Variants in CCDC18 observed in about 807,000 individuals in gnomAD.
The protein encoded by CCDC18 is coiled-coil domain containing 18, also known as coiled-coil domain-containing protein 18.
Under a neutral mutation model 196.0 loss-of-function variants are expected in CCDC18, and 157 were observed. That is an observed-to-expected ratio of 0.80 (90% confidence interval 0.70 to 0.91). The LOEUF is 0.91. Among genes scored for constraint, CCDC18 ranks in the 40% least tolerant of loss-of-function variants. CCDC18 has a pLI of 0.00. For missense variants in CCDC18, 1,465 were observed against 1,611.6 expected, an observed-to-expected ratio of 0.91 and a Z score of 1.56; for synonymous variants, 482 against 529.2, an observed-to-expected ratio of 0.91 and a Z score of 1.22.
At chr1:93,225,793 T>A (rs891195690) in intron 16 of CCDC18, among the ~76,000 whole-genome samples, 1 of 148,760 alleles carries the variant, frequency 6.7e-6, no homozygotes, top group East Asian at 2.0e-4. Flanking sequence ...AAAAAAAAAA[T>A]CTCACTTAAG....
chr1:93,194,820 C>G (rs1017879118), intron 6 of CCDC18, among the ~76,000 whole-genome samples: 6 of 152,134 alleles, frequency 3.9e-5, no homozygotes, highest in Non-Finnish European at 5.9e-5. Flanking sequence ...TACTAGTTTC[C>G]TCTATGCAAC....
chr1:93,271,253 A>C (rs1024107139), intron 28 of CCDC18: 2 of 985,236 alleles, frequency 2.0e-6, no homozygotes, highest in African/African-American at 3.5e-5. Context: ...TGATCCTTGG[A>C]AAGTTGATTT....
chr1:93,234,052 ACT>A (rs1458739157), intron 18 of CCDC18, among the ~76,000 whole-genome samples: 1 of 150,242 alleles, frequency 6.7e-6, no homozygotes, highest in East Asian at 2.0e-4. Flanking sequence ...TTTGTCATTG[ACT>A]CTGGTTCTTG....
At chr1:93,267,507 T>C (rs1664689641) in intron 27 of CCDC18, among the ~76,000 whole-genome samples, 1 of 152,216 alleles carries the variant, frequency 6.6e-6, no homozygotes. Context: ...AAACTGTCCC[T>C]GTTTGCAGAT....
At chr1:93,248,644 C>T (rs568977079) in intron 23 of CCDC18, among the ~76,000 whole-genome samples, 4 of 152,030 alleles carry the variant, frequency 2.6e-5, no homozygotes, top group Non-Finnish European at 4.4e-5. Context: ...TGTCCTTGTC[C>T]GGTTTTGGTA....
chr1:93,221,984 T>C (rs1185602021), intron 16 of CCDC18, 48 bp downstream of exon 16: 1 of 1,255,020 alleles, frequency 8.0e-7, no homozygotes, highest in African/African-American at 1.5e-5. Context: ...TTTTTTTTTT[T>C]TAACAGACAG....
chr1:93,246,870 CAG>C lies in CCDC18; in HGVS notation c.3117_3118del (p.Gly1040ArgfsTer8). 6.5e-7 allele frequency: 1 copy of C among 1,546,876 alleles called. No homozygotes were observed. Among genetic ancestry groups the C allele is most frequent in the Non-Finnish European group, 8.8e-7 (1 of 1,130,670 alleles). On this transcript the variant is annotated frameshift_variant, in exon 23 of 29. Transcript: ENST00000690025. LOFTEE classifies it high-confidence loss of function. ...ATTTGGATATGACTATTCGTGAGCACAGAGGAGAAATGGAACAAAAAATAATT... is the reference window on the plus strand; with the variant it reads ...ATTTGGATATGACTATTCGTGAGCACAGGAGAAATGGAACAAAAAATAATT... Reference protein sequence around the residue: ...THLDMTIREHRGEMEQKIIKL... With the variant: ...THLDMTIREHXGEMEQKIIKL...
In CCDC18 at chr1:93,239,414, C is replaced by G. The variant is rs966163868; in HGVS notation, c.2708C>G (p.Ser903Cys). ...GGAGAAAATAAAGCAATGCACCTCT[C>G]TCAATTAGATATGATCTTAGATCAG... ...RDGENKAMHL[S>C]QLDMILDQTK... Residue 903 changes from serine (S) to cysteine (C), a missense_variant, in exon 20 of 29, where the codon TCT (serine) becomes TGT (cysteine). Physicochemically the swap from Ser to Cys is moderately radical, Grantham distance 112. Coordinates refer to ENST00000690025, the MANE Select transcript of CCDC18 (RefSeq NM_001378204.1). 1 of 1,612,474 alleles carries G rather than the reference C, an allele frequency of 6.2e-7. No homozygotes were observed. Among genetic ancestry groups the G allele is most frequent in the African/African-American group, 1.3e-5 (1 of 74,864 alleles).
At chr1:93,239,516 A>T in intron 20 of CCDC18, 43 bp downstream of exon 20, 2 of 1,557,566 alleles carry the variant, frequency 1.3e-6, no homozygotes, top group Non-Finnish European at 1.7e-6. Flanking sequence ...ATGTATTTGT[A>T]CTTAACGAAG....
At chr1:93,263,516 C>CA (rs1664096409) in intron 26 of CCDC18, among the ~76,000 whole-genome samples, 1 of 152,172 alleles carries the variant, frequency 6.6e-6, no homozygotes, top group African/African-American at 2.4e-5. Context: ...GGGGTGGGGG[C>CA]AAAATGCCAC....
intron 21 of CCDC18, among the ~76,000 whole-genome samples, chr1:93,244,494 G>A (rs1661234050): frequency 6.6e-6 from 1 of 152,144 alleles, no homozygotes; most frequent in Admixed American, 6.5e-5. Context: ...CCATTTATAT[G>A]AAATATTCAG....
chr1:93,183,564 C>A, intron 2 of CCDC18, 69 bp downstream of exon 2: 2 of 1,121,048 alleles, frequency 1.8e-6, no homozygotes, highest in Non-Finnish European at 2.5e-6. Flanking sequence ...GTGTGGATTT[C>A]ATTATGATGT....
At chr1:93,210,489 G>A (rs1390690801) in intron 9 of CCDC18, among the ~76,000 whole-genome samples, 8 of 151,892 alleles carry the variant, frequency 5.3e-5, no homozygotes, top group Admixed American at 3.3e-4. Context: ...GTCACATATC[G>A]ATGCATCTAG....
chr1:93,249,130 T>G (rs1661902579), intron 23 of CCDC18, among the ~76,000 whole-genome samples: 1 of 152,190 alleles, frequency 6.6e-6, no homozygotes, highest in South Asian at 2.1e-4. Context: ...TTATTACTGC[T>G]TTTATCTCAT....
At chr1:93,225,168 A>T (rs1374540656) in intron 16 of CCDC18, among the ~76,000 whole-genome samples, 2 of 152,226 alleles carry the variant, frequency 1.3e-5, no homozygotes, top group African/African-American at 4.8e-5. Flanking sequence ...GCTTACTAGA[A>T]CATTATTAGC....
At chr1:93,209,641 G>T (rs1655285591) in intron 9 of CCDC18, among the ~76,000 whole-genome samples, 2 of 152,222 alleles carry the variant, frequency 1.3e-5, no homozygotes. Flanking sequence ...TAGCTCCTCT[G>T]ATATCTGCTT....
chr1:93,200,310 A>G (rs1382701607), intron 6 of CCDC18, among the ~76,000 whole-genome samples: 3 of 149,082 alleles, frequency 2.0e-5, no homozygotes, highest in African/African-American at 7.4e-5. Flanking sequence ...ATGTGAAAAC[A>G]TGGTAAGACT....
In CCDC18 at chr1:93,256,399, A is replaced by C. The variant is rs369479267; in HGVS notation, c.3407A>C (p.Glu1136Ala). ...QYKEAIDLGQ[E>A]LRLTREQVQN... Reference sequence around the variant, plus strand: ...AAGGAGGCCATAGATTTGGGGCAAGAATTGAGGCTGACCCGGGAGCAGGTG... The same window carrying C: ...AAGGAGGCCATAGATTTGGGGCAAGCATTGAGGCTGACCCGGGAGCAGGTG... Residue 1136 changes from glutamate to alanine, a missense_variant, in exon 25 of 29, where the codon GAA becomes GCA. Physicochemically the swap from Glu to Ala is moderately radical, Grantham distance 107. Coordinates refer to ENST00000690025, the MANE Select transcript of CCDC18 (RefSeq NM_001378204.1). 17 of 1,614,020 alleles carry C rather than the reference A, an allele frequency of 1.1e-5. No homozygotes were observed. Among genetic ancestry groups the C allele is most frequent in the African/African-American group, 2.7e-5 (2 of 74,934 alleles).
At position 93,180,801 on chromosome 1, in the gene CCDC18, A is replaced by G. The variant is rs746749188; in HGVS notation, c.-54A>G. 2.9e-6 allele frequency: 4 copies of G among 1,367,736 alleles called. No individual in the cohort carries two copies. Among genetic ancestry groups the G allele is most frequent in the Admixed American group, 1.9e-5 (1 of 52,588 alleles). The allele number at this position is 1,367,736 out of a possible 1,614,324, so 84.7% of individuals were successfully genotyped here. On this transcript the variant is annotated 5_prime_UTR_variant, in exon 1 of 29. Coordinates refer to ENST00000690025, the MANE Select transcript of CCDC18 (RefSeq NM_001378204.1). ...GCTTCCACGCGCAGGGGCCCGGGAA[A>G]GGGTCAGAGGCTTCCTAACGCAGAC...
Sources: gnomAD v4.1 joint callset for allele counts (sites outside exome capture counted in the v4.1 genomes callset) on GRCh38, gnomAD v4.1.1 for gene constraint, MANE v1.5 for transcripts, NCBI Gene and HGNC (gene_info 2026-07-23, HGNC 2026-07-21) for gene names.